The following FER1L6 variants were observed in gnomAD, a reference collection of about 807,000 sequenced individuals.
FER1L6 encodes the protein fer-1-like protein 6.
In FER1L6, 177 loss-of-function variants were observed where a neutral mutation model predicts 219.2. That is an observed-to-expected ratio of 0.81 (90% CI 0.71 to 0.91). The LOEUF is 0.91. FER1L6 is among the 40% of genes least tolerant of loss of function. The pLI is 0.00. For missense variants in FER1L6, 2,153 were observed against 2,259.9 expected (o/e 0.95, Z 0.96); for synonymous variants, 768 against 824.3 (o/e 0.93, Z 1.17).
At chr8:124,016,600 C>A (rs1563745765) in intron 15 of FER1L6, among the ~76,000 whole-genome samples, 1 of 152,190 alleles carries the variant, frequency 6.6e-6, no homozygotes, top group Non-Finnish European at 1.5e-5. Context: ...CCCTCATGTC[C>A]ACACTCATAC....
intron 34 of FER1L6, among the ~76,000 whole-genome samples, chr8:124,094,437 C>T (rs1822187692): frequency 6.6e-6 from 1 of 151,958 alleles, no homozygotes; most frequent in Non-Finnish European, 1.5e-5. Flanking sequence ...TCTTTCCATC[C>T]TTACTTTTTT....
chr8:124,060,440 C>A, intron 23 of FER1L6, 108 bp from the exon 24 acceptor site: 3 of 1,487,674 alleles, frequency 2.0e-6, no homozygotes, highest in Non-Finnish European at 2.8e-6. Flanking sequence ...CCTGGAGGAA[C>A]ACAGCGTGGT....
At chr8:123,919,024 G>GAGGC (rs1007199682) in intron 1 of FER1L6, among the ~76,000 whole-genome samples, 1 of 152,136 alleles carries the variant, frequency 6.6e-6, no homozygotes, top group African/African-American at 2.4e-5. Flanking sequence ...TGCCCCAGGG[G>GAGGC]AGGCAGTACA....
intron 12 of FER1L6, among the ~76,000 whole-genome samples, chr8:123,988,905 A>T (rs1222286953): frequency 6.6e-6 from 1 of 152,136 alleles, no homozygotes; most frequent in Admixed American, 6.5e-5. Context: ...CTTCTTCCAG[A>T]TCTTAAAGGA....
intron 25 of FER1L6, among the ~76,000 whole-genome samples, chr8:124,063,003 A>G (rs1382256728): frequency 6.6e-6 from 1 of 152,120 alleles, no homozygotes; most frequent in African/African-American, 2.4e-5. Flanking sequence ...GTTTTTTGCT[A>G]CCCTGTGGAC....
chr8:123,883,578 T>G (rs1432148552), intron 1 of FER1L6, among the ~76,000 whole-genome samples: 1 of 152,198 alleles, frequency 6.6e-6, no homozygotes, highest in Non-Finnish European at 1.5e-5. Flanking sequence ...GAACCTTTTA[T>G]GCTATTCCTG....
chr8:124,083,796 A>G (rs1252614121), intron 33 of FER1L6, among the ~76,000 whole-genome samples: 1 of 152,012 alleles, frequency 6.6e-6, no homozygotes, highest in Non-Finnish European at 1.5e-5. Flanking sequence ...TGTTTTTTCT[A>G]TTTCTATGAA....
At chr8:124,087,116 T>C (rs1343879974) in intron 33 of FER1L6, among the ~76,000 whole-genome samples, 1 of 152,202 alleles carries the variant, frequency 6.6e-6, no homozygotes, top group Non-Finnish European at 1.5e-5. Context: ...TACTTGAATA[T>C]TGATATCTTT....
intron 10 of FER1L6, among the ~76,000 whole-genome samples, chr8:123,978,230 C>T (rs1438254687): frequency 6.6e-6 from 1 of 152,188 alleles, no homozygotes; most frequent in East Asian, 1.9e-4. Context: ...GATTGGTAAA[C>T]TAAGGTCTAT....
In FER1L6 at chr8:124,091,433, A is replaced by T. The variant is rs1822022684; in HGVS notation, c.4402A>T (p.Asn1468Tyr). 1.2e-6 allele frequency: 2 copies of T among 1,613,874 alleles called. No homozygotes were observed. Among genetic ancestry groups the T allele is most frequent in the Non-Finnish European group, 1.7e-6 (2 of 1,179,820 alleles). The change falls in exon 34 of 41, where the codon AAT becomes TAT. Residue 1468 changes from asparagine to tyrosine, a missense_variant. Transcript: ENST00000522917. ...LQSQYEIEGY[N>Y]AWRDTSKPTE... The stretch of plus-strand genomic sequence containing the variant: ...CCCTCCACTTTTCAGAGAAGGATAC[A>T]ATGCCTGGAGAGACACGTCCAAACC...
intron 15 of FER1L6, among the ~76,000 whole-genome samples, chr8:124,016,849 G>A (rs551240138): frequency 6.6e-6 from 1 of 151,984 alleles, no homozygotes; most frequent in East Asian, 1.9e-4. Context: ...TTGTCAAATT[G>A]TTCAATTATT....
intron 1 of FER1L6, among the ~76,000 whole-genome samples, chr8:123,899,116 C>G (rs1424117698): frequency 6.6e-6 from 1 of 151,972 alleles, no homozygotes; most frequent in Non-Finnish European, 1.5e-5. Context: ...GTTTACATTC[C>G]CACCAGAAGT....
At chr8:124,104,472 G>A (rs542410899) in intron 39 of FER1L6, among the ~76,000 whole-genome samples, 197 of 152,284 alleles carry the variant, frequency 1.3e-3, no homozygotes, top group Non-Finnish European at 2.3e-3. Context: ...GGAGTTGAGG[G>A]TTCAAACAGG....
intron 31 of FER1L6, among the ~76,000 whole-genome samples, 166 bp downstream of exon 31, chr8:124,071,797 G>A (rs1371277671): frequency 6.6e-6 from 1 of 152,126 alleles, no homozygotes; most frequent in Admixed American, 6.5e-5. Flanking sequence ...GTCTTGTGAG[G>A]CCTCTCTTGC....
intron 1 of FER1L6, among the ~76,000 whole-genome samples, chr8:123,930,117 C>G (rs769184226): frequency 3.9e-5 from 6 of 152,192 alleles, no homozygotes; most frequent in Non-Finnish European, 7.3e-5. Flanking sequence ...AATATCACAG[C>G]TAGGATATTG....
At chr8:124,027,288 T>A (rs1256657583) in intron 18 of FER1L6, among the ~76,000 whole-genome samples, 1 of 152,222 alleles carries the variant, frequency 6.6e-6, no homozygotes, top group Non-Finnish European at 1.5e-5. Context: ...ATACTAGTTG[T>A]ATGACCTTGG....
intron 39 of FER1L6, among the ~76,000 whole-genome samples, chr8:124,107,314 T>G (rs908312045): frequency 6.6e-6 from 1 of 152,198 alleles, no homozygotes; most frequent in African/African-American, 2.4e-5. Flanking sequence ...GTAAATGTTC[T>G]TTAAAAATGA....
rs144962110 is a variant in FER1L6 at position 123,903,174 on chromosome 8, C to T, written c.-8+50989C>T. The stretch of plus-strand genomic sequence containing the variant: ...TGAGAATACTTGCAGTTGGTGCTTG[C>T]GGCTGCAGCATTTACACTGAGATAA... On this transcript the variant is annotated intron_variant, in intron 1 of 40. Coordinates refer to ENST00000522917, the MANE Select transcript of FER1L6 (RefSeq NM_001039112.2). 1.9e-3 allele frequency among the ~76,000 whole-genome samples: 284 copies of T among 152,248 alleles called. 1 individual carries two copies. Among genetic ancestry groups the T allele is most frequent in the African/African-American group, 6.3e-3 (263 of 41,540 alleles).
At chr8:123,980,314 G>A in intron 10 of FER1L6, 151 bp from the exon 11 acceptor site, 1 of 662,964 alleles carries the variant, frequency 1.5e-6, no homozygotes, top group South Asian at 2.1e-5. Context: ...AAGGAAATAT[G>A]GCAAGATGGC....
Sources: allele counts gnomAD v4.1 joint callset (sites outside exome capture counted in the v4.1 genomes callset), GRCh38; gene constraint gnomAD v4.1.1; transcripts MANE v1.5; gene names NCBI Gene and HGNC (gene_info 2026-07-23, HGNC 2026-07-21).